KCNAB2: variants seen among roughly 807,000 people sequenced by gnomAD.
The protein encoded by KCNAB2 is potassium voltage-gated channel subfamily A regulatory beta subunit 2.
KCNAB2 carries 29 observed loss-of-function variants against 63.6 expected under a neutral mutation model. The observed-to-expected ratio is 0.46, with a 90% CI of 0.34 to 0.62. KCNAB2 has a LOEUF of 0.62. Among genes scored for constraint, KCNAB2 ranks in the 20% least tolerant of loss-of-function variants. KCNAB2 has a pLI of 0.01. For synonymous variants in KCNAB2, 222 were observed against 224.2 expected, an observed-to-expected ratio of 0.99 and a Z score of 0.09; for missense variants, 359 against 563.9, an observed-to-expected ratio of 0.64 and a Z score of 3.68.
Position 6,028,329 on chromosome 1 carries a change from C to A in KCNAB2, c.-52-12188C>A, listed in dbSNP as rs1485435505. Among the ~76,000 whole-genome samples the A allele has an allele frequency of 6.6e-6, 1 of 152,224 alleles. No homozygotes were observed. The highest frequency in any genetic ancestry group is 1.9e-4 in the East Asian group (1 of 5,196). On this transcript the variant is annotated intron_variant, in intron 1 of 16. Coordinates refer to the KCNAB2 transcript ENST00000341524. The surrounding 1 kb of genome is among the most constrained non-coding windows in gnomAD (Gnocchi z 4.0). The stretch of plus-strand genomic sequence containing the variant: ...GCTGGAAGCACAGTCACTGCCATGG[C>A]TCCTCTAGGCTCTGGCACGCAGAAC...
At position 6,009,341 on chromosome 1, in the gene KCNAB2, G is replaced by A. The variant is rs143672595; in HGVS notation, c.-53+16553G>A. The stretch of plus-strand genomic sequence containing the variant: ...AGATCGCTGGGTACATGAGCAGGCA[G>A]CAGACCATAAGCAGGCTGGCTAACG... On this transcript the variant is annotated intron_variant, in intron 1 of 16. Transcript: ENST00000341524. 6.4e-3 allele frequency among the ~76,000 whole-genome samples: 976 copies of A among 152,356 alleles called. 9 individuals carry two copies. Among genetic ancestry groups the A allele is most frequent in the African/African-American group, 0.022 (898 of 41,588 alleles).
Position 6,074,790 on chromosome 1 carries a change from A to G in KCNAB2, c.300+1020A>G, listed in dbSNP as rs990018935. ...GCCAACATGGTGAAACCCCATGTCT[A>G]CTAAAAATACAAAAATTAGCTGGGC... On this transcript the variant is annotated intron_variant, in intron 4 of 15. Transcript: ENST00000378083. The surrounding 1 kb of genome is among the most constrained non-coding windows in gnomAD (Gnocchi z 4.9). Among the ~76,000 whole-genome samples the G allele has an allele frequency of 1.3e-5, 2 of 152,178 alleles. No homozygotes were observed. The highest frequency in any genetic ancestry group is 3.9e-4 in the East Asian group (2 of 5,162).
At chr1:6,030,786 A>G (rs1390721730), upstream of KCNAB2, among the ~76,000 whole-genome samples, 20 of 108,370 alleles carry the variant, frequency 1.8e-4, no homozygotes, top group Non-Finnish European at 3.4e-4. Context: ...ATGTGTGTGT[A>G]TGTGTGTAGG....
At chr1:6,022,536 C>T (rs192240424) in intron 1 of KCNAB2, among the ~76,000 whole-genome samples, 218 of 152,090 alleles carry the variant, frequency 1.4e-3, no homozygotes, top group African/African-American at 1.5e-3. Context: ...TACAGTTCAG[C>T]GGTATTAAGT....
At chr1:6,043,526 C>T (rs1299218467), upstream of KCNAB2, among the ~76,000 whole-genome samples, 2 of 152,242 alleles carry the variant, frequency 1.3e-5, no homozygotes, top group Non-Finnish European at 2.9e-5. Flanking sequence ...CTGGTGCCCA[C>T]AGGCTCTGGC....
intron 2 of KCNAB2, among the ~76,000 whole-genome samples, chr1:6,067,745 T>G (rs1457943232): frequency 6.6e-6 from 1 of 152,152 alleles, no homozygotes; most frequent in East Asian, 1.9e-4. Context: ...AAGCTAAAAT[T>G]AGAGCCAGGA....
rs572132244 is a variant in KCNAB2 at position 6,054,728 on chromosome 1, A to G, written c.218+2974A>G. On this transcript the variant is annotated intron_variant, in intron 2 of 15. Coordinates refer to ENST00000378083, the MANE Select transcript of KCNAB2 (RefSeq NM_001199862.2). ...TATGTAAATGAAGTAGTGGCCTGTG[A>G]TCATTCTGATTGGTTGCAGAAAGTG... Among the ~76,000 whole-genome samples, 3 of 152,298 alleles carry G rather than the reference A, an allele frequency of 2.0e-5. No individual in the cohort carries two copies. The East Asian group carries it at 5.8e-4, about 29-fold the overall frequency.
chr1:6,084,805 A>G (rs1664549417), intron 5 of KCNAB2, among the ~76,000 whole-genome samples: 1 of 148,872 alleles, frequency 6.7e-6, no homozygotes, highest in South Asian at 2.1e-4. Flanking sequence ...GCGAGACTCC[A>G]TTTCAAAAAA....
At position 6,056,027 on chromosome 1, in the gene KCNAB2, G is replaced by A. The variant is rs554502938; in HGVS notation, c.218+4273G>A. On this transcript the variant is annotated intron_variant, in intron 2 of 15. Coordinates refer to ENST00000378083, the MANE Select transcript of KCNAB2 (RefSeq NM_001199862.2). ...TGAGCTGTAGCTGATGGAGGTGGAC[G>A]GCAGCATGCCTGTTACACTTCCCCA... is the stretch of plus-strand genomic sequence containing the variant. Among the ~76,000 whole-genome samples the A allele has an allele frequency of 9.3e-5, 14 of 151,062 alleles. No homozygotes were observed. The South Asian group carries it at 2.3e-3, about 25-fold the overall frequency.
At chr1:6,025,529 G>A (rs984958893) in intron 1 of KCNAB2, among the ~76,000 whole-genome samples, 3 of 152,196 alleles carry the variant, frequency 2.0e-5, no homozygotes, top group South Asian at 2.1e-4. Context: ...GAGAGGCCGC[G>A]GGGAGGGAGA....
rs1664728439 is a variant in KCNAB2, at chr1:6,086,702, G to A, written c.426-765G>A. 6.6e-6 allele frequency among the ~76,000 whole-genome samples: 1 copy of A among 152,160 alleles called. No individual in the cohort carries two copies. Among genetic ancestry groups the A allele is most frequent in the East Asian group, 1.9e-4 (1 of 5,192 alleles). On this transcript the variant is annotated intron_variant, in intron 6 of 15. Coordinates refer to ENST00000378083, the MANE Select transcript of KCNAB2 (RefSeq NM_001199862.2). The surrounding 1 kb of genome is among the most constrained non-coding windows in gnomAD (Gnocchi z 4.2). ...CCACTGGTATGGGCATTTGTCTCGT[G>A]TGGACTTAGAGCAGAAGAACGAATT...
At chr1:6,081,443 C>T (rs1339162019) in intron 4 of KCNAB2, among the ~76,000 whole-genome samples, 1 of 152,244 alleles carries the variant, frequency 6.6e-6, no homozygotes, top group Non-Finnish European at 1.5e-5. Flanking sequence ...CTCATCCCAG[C>T]AACATCCACA....
chr1:6,096,445 T>G lies in KCNAB2; in HGVS notation c.949-191T>G. The G allele has an allele frequency of 1.4e-6, 1 of 720,872 alleles. No individual in the cohort carries two copies. 44.7% of individuals were successfully genotyped at this position (720,872 alleles called of 1,614,324 possible). ...CAGGCCCCGCTCATCCACCAGCCCGTGCCCGGCCCACTGCCCACTCTCCCC... is the reference window on the plus strand; with the variant it reads ...CAGGCCCCGCTCATCCACCAGCCCGGGCCCGGCCCACTGCCCACTCTCCCC... On this transcript the variant is annotated intron_variant, in intron 13 of 15. Transcript: ENST00000378083. The surrounding 1 kb of genome is among the most constrained non-coding windows in gnomAD (Gnocchi z 5.9).
At chr1:6,093,031 T>C (rs1386151764) in intron 10 of KCNAB2, among the ~76,000 whole-genome samples, 1 of 152,088 alleles carries the variant, frequency 6.6e-6, no homozygotes, top group Non-Finnish European at 1.5e-5. Flanking sequence ...AAAACAGAAG[T>C]GGACGGGAAG....
intron 4 of KCNAB2, among the ~76,000 whole-genome samples, chr1:6,079,744 A>G (rs1293085352): frequency 6.6e-6 from 1 of 152,150 alleles, no homozygotes; most frequent in Non-Finnish European, 1.5e-5. Flanking sequence ...TTACTGTTCA[A>G]TGGGTACAGT....
chr1:6,097,735 C>G, intron 15 of KCNAB2: 1 of 455,628 alleles, frequency 2.2e-6, no homozygotes, highest in Non-Finnish European at 3.9e-6. Flanking sequence ...CACGCAAATG[C>G]CTGCGGGAAG....
rs1303457743 is a variant in KCNAB2 at position 6,078,447 on chromosome 1, G to A, written c.301-3748G>A. ...GAAAGTAGAAAAAGGAGGGCAGGGG[G>A]GCGGGGGTCCTGACGACAGGGTGGT... On this transcript the variant is annotated intron_variant, in intron 4 of 15. Coordinates refer to ENST00000378083, the MANE Select transcript of KCNAB2 (RefSeq NM_001199862.2). The surrounding 1 kb of genome is among the most constrained non-coding windows in gnomAD (Gnocchi z 4.2). Among the ~76,000 whole-genome samples, 1 of 152,134 alleles carries A rather than the reference G, an allele frequency of 6.6e-6. No homozygotes were observed. Among genetic ancestry groups the A allele is most frequent in the Non-Finnish European group, 1.5e-5 (1 of 68,024 alleles).
Position 6,089,174 on chromosome 1 carries a change from AC to A in KCNAB2, c.514+126del. 3.7e-6 allele frequency: 4 copies of A among 1,069,834 alleles called. No individual in the cohort carries two copies. In the South Asian group the frequency reaches 5.4e-5, roughly 14 times the overall value. The allele number at this position is 1,069,834 out of a possible 1,614,324, so 66.3% of individuals were successfully genotyped here. A position where few individuals can be genotyped will look rare whatever the true frequency, so the allele number is the denominator to read the frequency against. Reference sequence around the variant, plus strand: ...CCCACTGAGGGCCCAATCCCGGGGCACCCGGTGCTCTGGCCTGACCTTCTCC... The same window carrying A: ...CCCACTGAGGGCCCAATCCCGGGGCACCGGTGCTCTGGCCTGACCTTCTCC... On this transcript the variant is annotated intron_variant, in intron 8 of 15. Coordinates refer to ENST00000378083, the MANE Select transcript of KCNAB2 (RefSeq NM_001199862.2).
At chr1:6,056,246 C>T (rs958736236) in intron 2 of KCNAB2, among the ~76,000 whole-genome samples, 4 of 152,048 alleles carry the variant, frequency 2.6e-5, no homozygotes, top group African/African-American at 7.2e-5. Flanking sequence ...GGTTTCACCA[C>T]GTTGGCCAGG....
Sources: gnomAD v4.1 joint callset for allele counts (sites outside exome capture counted in the v4.1 genomes callset) on GRCh38, gnomAD v4.1.1 for gene constraint, Gnocchi (gnomAD v3.1) non-coding constraint, MANE v1.5 for transcripts, NCBI Gene and HGNC (gene_info 2026-07-23, HGNC 2026-07-21) for gene names.